The following MTBP variants were observed in gnomAD, a reference collection of about 807,000 sequenced individuals.
MTBP encodes the protein MDM2 binding protein, also known as mdm2-binding protein.
Under a neutral mutation model 117.0 loss-of-function variants are expected in MTBP, and 101 were observed. The observed-to-expected ratio is 0.86, with a 90% CI of 0.73 to 1.02. The LOEUF (loss-of-function observed/expected upper bound fraction) is 1.02, where lower values mean the gene tolerates loss of function less well. Among genes scored for constraint, MTBP ranks in the 50% least tolerant of loss-of-function variants. The pLI is 0.00. For missense variants in MTBP, 970 were observed against 1,030.9 expected (o/e 0.94, Z 0.81); for synonymous variants, 350 against 351.5 (o/e 1.00, Z 0.05).
At chr8:120,502,440 A>T in intron 14 of MTBP, 52 bp from the exon 15 acceptor site, 1 of 1,269,928 alleles carries the variant, frequency 7.9e-7, no homozygotes, top group Non-Finnish European at 1.1e-6. Context: ...TTTATTAGCA[A>T]AATTCAGTAT....
intron 18 of MTBP, among the ~76,000 whole-genome samples, chr8:120,517,617 G>T (rs1230239261): frequency 6.8e-6 from 1 of 146,600 alleles, no homozygotes; most frequent in Middle Eastern, 3.6e-3. Flanking sequence ...TGGATATAGT[G>T]GTAACACTAT....
At chr8:120,483,420 C>T (rs973675836) in intron 11 of MTBP, among the ~76,000 whole-genome samples, 2 of 151,922 alleles carry the variant, frequency 1.3e-5, no homozygotes, top group African/African-American at 2.4e-5. Flanking sequence ...ATCAGTAAGT[C>T]GGAATATTCA....
chr8:120,473,254 G>A (rs974104578), intron 11 of MTBP: 3 of 151,962 alleles, frequency 2.0e-5, no homozygotes, highest in Admixed American at 6.6e-5. Context: ...ATTCGTGGTT[G>A]GTTGAATCCA....
chr8:120,499,766 T>G (rs1814543003), intron 14 of MTBP, among the ~76,000 whole-genome samples: 1 of 152,234 alleles, frequency 6.6e-6, no homozygotes, highest in South Asian at 2.1e-4. Flanking sequence ...TATAACGATT[T>G]ATTTACACAT....
chr8:120,459,210 T>C lies in MTBP; in HGVS notation c.748-5T>C, dbSNP rs1199987833. ...TGTAACTGTGTTTTCTTGGTCTCTTTTCAGTTTGGATTTGAAATTAGTTTT... is the reference window on the plus strand; with the variant it reads ...TGTAACTGTGTTTTCTTGGTCTCTTCTCAGTTTGGATTTGAAATTAGTTTT... On this transcript the variant is annotated splice_polypyrimidine_tract_variant and splice_region_variant and intron_variant, in intron 7 of 21. Coordinates refer to ENST00000305949, the MANE Select transcript of MTBP (RefSeq NM_022045.5). 6.2e-7 allele frequency: 1 copy of C among 1,605,440 alleles called. No homozygotes were observed.
chr8:120,516,045 T>C lies in MTBP; in HGVS notation c.2100T>C (p.Thr700=). The change falls in exon 18 of 22, where the codon ACT becomes ACC. Residue 700 remains threonine (T), a synonymous_variant. Coordinates refer to ENST00000305949, the MANE Select transcript of MTBP (RefSeq NM_022045.5). ...TCTRESFPVP[T]VLSPLPSPVV... ...CCAGAGAAAGTTTTCCAGTACCTAC[T>C]GTGTTGAGCCCTCTTCCATCTCCTG... The C allele has an allele frequency of 6.2e-7, 1 of 1,613,188 alleles. No homozygotes were observed. Among genetic ancestry groups the C allele is most frequent in the Non-Finnish European group, 8.5e-7 (1 of 1,179,320 alleles).
At chr8:120,482,756 G>A (rs1356176167) in intron 11 of MTBP, among the ~76,000 whole-genome samples, 2 of 99,768 alleles carry the variant, frequency 2.0e-5, no homozygotes, top group Non-Finnish European at 5.5e-5. Context: ...CTGGAATGCA[G>A]TAGCGTGATC....
intron 7 of MTBP, among the ~76,000 whole-genome samples, chr8:120,457,696 G>A (rs1586940038): frequency 6.6e-6 from 1 of 152,042 alleles, no homozygotes; most frequent in South Asian, 2.1e-4. Context: ...AGGCCAAGGC[G>A]GGCAGATCAC....
intron 1 of MTBP, among the ~76,000 whole-genome samples, chr8:120,445,939 G>A (rs1177989305): frequency 6.6e-6 from 1 of 152,130 alleles, no homozygotes; most frequent in Non-Finnish European, 1.5e-5. Context: ...GAGCAAGATG[G>A]ACAAAGATCT....
Position 120,488,080 on chromosome 8 carries a change from C to T in MTBP, c.1166-79C>T, listed in dbSNP as rs551004107. 5.0e-6 allele frequency: 6 copies of T among 1,188,928 alleles called. No homozygotes were observed. In the African/African-American group the frequency reaches 9.7e-5, roughly 19 times the overall value. 73.6% of individuals were successfully genotyped at this position (1,188,928 alleles called of 1,614,324 possible). A position where few individuals can be genotyped will look rare whatever the true frequency, so the allele number is the denominator to read the frequency against. On this transcript the variant is annotated intron_variant, in intron 11 of 21. Transcript: ENST00000305949. ...AAAATAACAAAAAATTTTATTATATCCTATGGATCAAATGTATGGTTCTGT... is the reference window on the plus strand; with the variant it reads ...AAAATAACAAAAAATTTTATTATATTCTATGGATCAAATGTATGGTTCTGT...
intron 7 of MTBP, 132 bp from the exon 8 acceptor site, chr8:120,459,083 C>T (rs1359048411): frequency 9.6e-6 from 7 of 732,716 alleles, no homozygotes; most frequent in Non-Finnish European, 1.5e-5. Flanking sequence ...GAGAAGCACA[C>T]TTTTGAGCTG....
chr8:120,482,717 TGAGACG>T (rs1814113638), intron 11 of MTBP, among the ~76,000 whole-genome samples: 1 of 151,960 alleles, frequency 6.6e-6, no homozygotes, highest in African/African-American at 2.4e-5. Context: ...TTTCTTTTTT[TGAGACG>T]GAGTCTTGCT....
At chr8:120,463,036 A>C (rs979988226) in intron 9 of MTBP, among the ~76,000 whole-genome samples, 3 of 152,184 alleles carry the variant, frequency 2.0e-5, no homozygotes, top group Non-Finnish European at 4.4e-5. Flanking sequence ...AACTTGAAAA[A>C]AAAAATCTTC....
chr8:120,456,559 TC>T lies in MTBP; in HGVS notation c.637del (p.Gln213ArgfsTer14). On this transcript the variant is annotated frameshift_variant, in exon 7 of 22. Coordinates refer to ENST00000305949, the MANE Select transcript of MTBP (RefSeq NM_022045.5). LOFTEE classifies it high-confidence loss of function. ...IAGNHCEINC[Q>X]KIAEYLSANV... ...TGTAATCTTTTTTTTATAGAAACTG[TC>T]AGAAAATTGCAGAATACCTTTCTGC... 1 of 1,505,084 alleles carries T rather than the reference TC, an allele frequency of 6.6e-7. No homozygotes were observed. The highest frequency in any genetic ancestry group is 9.1e-7 in the Non-Finnish European group (1 of 1,093,294). The allele number at this position is 1,505,084 out of a possible 1,614,324, so 93.2% of individuals were successfully genotyped here. A position where few individuals can be genotyped will look rare whatever the true frequency, so the allele number is the denominator to read the frequency against.
intron 18 of MTBP, among the ~76,000 whole-genome samples, chr8:120,517,323 A>G (rs1333536809): frequency 6.6e-6 from 1 of 152,044 alleles, no homozygotes; most frequent in East Asian, 1.9e-4. Flanking sequence ...ACAGAAAAGT[A>G]TAAATATTTA....
At chr8:120,510,511 A>C (rs1279172808) in intron 17 of MTBP, among the ~76,000 whole-genome samples, 1 of 152,200 alleles carries the variant, frequency 6.6e-6, no homozygotes, top group Non-Finnish European at 1.5e-5. Context: ...AAACTATGGT[A>C]TATTTATATA....
intron 19 of MTBP, 99 bp downstream of exon 19, chr8:120,518,199 GA>G: frequency 1.5e-6 from 2 of 1,299,836 alleles, no homozygotes; most frequent in Non-Finnish European, 1.0e-6. Context: ...TGAATGAAAT[GA>G]AACGATGTCT....
intron 2 of MTBP, among the ~76,000 whole-genome samples, chr8:120,450,146 T>C (rs1477036025): frequency 6.6e-6 from 1 of 152,124 alleles, no homozygotes; most frequent in Non-Finnish European, 1.5e-5. Context: ...GTGGACTAGA[T>C]AATAGAATCA....
In MTBP at chr8:120,451,266, T is replaced by C. The variant is rs1813337300; in HGVS notation, c.369T>C (p.Ala123=). The change falls in exon 4 of 22, where the codon GCT becomes GCC. Residue 123 remains alanine, a synonymous_variant. Transcript: ENST00000305949. The part of the protein sequence containing the change: ...LQTNIEECLG[A]VECFEEEDSN... ...CGAATATCGAAGAATGTTTGGGTGC[T>C]GTTGAGTGTTTTGAAGAAGAAGACA... 4 of 1,613,006 alleles carry C rather than the reference T, an allele frequency of 2.5e-6. No homozygotes were observed. Among genetic ancestry groups the C allele is most frequent in the Non-Finnish European group, 2.5e-6 (3 of 1,179,346 alleles).
Sources: allele counts gnomAD v4.1 joint callset (sites outside exome capture counted in the v4.1 genomes callset), GRCh38; gene constraint gnomAD v4.1.1; transcripts MANE v1.5; gene names NCBI Gene and HGNC (gene_info 2026-07-23, HGNC 2026-07-21).